SLCO3A1: variants seen among roughly 807,000 people sequenced by gnomAD.
The protein encoded by SLCO3A1 is solute carrier organic anion transporter family member 3A1.
A neutral mutation model predicts 63.1 loss-of-function variants in SLCO3A1; 27 were observed. That is an observed-to-expected ratio of 0.43 (90% CI 0.32 to 0.59). SLCO3A1 has a LOEUF of 0.59. Among genes scored for constraint, SLCO3A1 ranks in the 20% least tolerant of loss-of-function variants. The probability of loss-of-function intolerance (pLI) is 0.09; values close to 1 mark genes in which losing one functional copy is unlikely to be tolerated. For missense variants in SLCO3A1, 773 were observed against 945.8 expected (o/e 0.82, Z 2.40); for synonymous variants, 473 against 409.9 (o/e 1.15, Z -1.86).
At chr15:91,928,465 C>G (rs996778665) in intron 2 of SLCO3A1, among the ~76,000 whole-genome samples, 2 of 152,120 alleles carry the variant, frequency 1.3e-5, no homozygotes, top group African/African-American at 2.4e-5. Context: ...CTCCGTTATC[C>G]CAAGGGCCTT....
intron 4 of SLCO3A1, among the ~76,000 whole-genome samples, chr15:92,114,345 T>C (rs555691888): frequency 2.6e-5 from 4 of 152,338 alleles, no homozygotes; most frequent in African/African-American, 9.6e-5. Context: ...TATTAGATTC[T>C]TTAATACCCC....
At chr15:91,933,579 C>CAGT (rs1291693242) in intron 2 of SLCO3A1, among the ~76,000 whole-genome samples, 1 of 152,240 alleles carries the variant, frequency 6.6e-6, no homozygotes, top group African/African-American at 2.4e-5. Flanking sequence ...GGATAACAAG[C>CAGT]AGTACATAGA....
At chr15:91,947,933 A>C (rs1220617688) in intron 2 of SLCO3A1, among the ~76,000 whole-genome samples, 3 of 152,198 alleles carry the variant, frequency 2.0e-5, no homozygotes, top group Non-Finnish European at 4.4e-5. Context: ...GCCCCCGTGC[A>C]GGTGACCGAA....
intron 3 of SLCO3A1, among the ~76,000 whole-genome samples, chr15:92,099,564 G>T (rs1253717205): frequency 6.6e-6 from 1 of 152,128 alleles, no homozygotes; most frequent in African/African-American, 2.4e-5. Context: ...GGGTTGGTTG[G>T]TTAGTTTTAA....
In SLCO3A1 at chr15:91,880,397, C is replaced by CTGTGTGTGTG. The variant is rs747889224; in HGVS notation, c.180+26310_180+26311insGTGTGTGTGT. ...CACTCGTGCTTCTCTCTCTCTCTCT[C>CTGTGTGTGTG]TCTCTCTCTCTCTGTGTGTGTGTGT... On this transcript the variant is annotated intron_variant, in intron 1 of 9. Transcript: ENST00000318445. Among the ~76,000 whole-genome samples, 223 of 94,192 alleles carry CTGTGTGTGTG rather than the reference C, an allele frequency of 2.4e-3. 1 individual carries two copies. The highest frequency in any genetic ancestry group is 9.0e-3 in the South Asian group (17 of 1,890). The allele number at this position is 94,192 out of a possible 152,430, so 61.8% of individuals were successfully genotyped here. A position where few individuals can be genotyped will look rare whatever the true frequency, so the allele number is the denominator to read the frequency against.
intron 9 of SLCO3A1, 82 bp from the exon 10 acceptor site, chr15:92,162,674 A>G (rs2048454014): frequency 1.3e-6 from 2 of 1,521,568 alleles, no homozygotes; most frequent in Non-Finnish European, 8.8e-7. Flanking sequence ...TAGCAGTGCT[A>G]TAAGAAAAGC....
chr15:91,956,799 CT>C (rs1294059632), intron 2 of SLCO3A1, among the ~76,000 whole-genome samples: 2 of 92,714 alleles, frequency 2.2e-5, no homozygotes, highest in East Asian at 3.3e-4. Context: ...TTTTTTTTTT[CT>C]TTTTTTTGCG....
chr15:91,861,721 T>G (rs1354779660), intron 1 of SLCO3A1, among the ~76,000 whole-genome samples: 1 of 152,066 alleles, frequency 6.6e-6, no homozygotes, highest in Non-Finnish European at 1.5e-5. Context: ...CGTCCCAGGC[T>G]GAAATGATCC....
downstream of SLCO3A1, among the ~76,000 whole-genome samples, chr15:92,167,667 A>G (rs2151608448): frequency 1.3e-5 from 2 of 152,364 alleles, no homozygotes; most frequent in South Asian, 4.1e-4. Flanking sequence ...GATGCAAGGC[A>G]GATTTTTGTT....
At chr15:92,122,986 G>A (rs1280998167) in intron 5 of SLCO3A1, among the ~76,000 whole-genome samples, 1 of 152,224 alleles carries the variant, frequency 6.6e-6, no homozygotes, top group Non-Finnish European at 1.5e-5. Context: ...TAACTGGGAG[G>A]CACACCAGGG....
Position 92,164,955 on chromosome 15 carries a change from AAAAACTC to A in SLCO3A1, c.*1824_*1830del. ...CATGTCACATTCCTGGCGCTGGAAA[AAAAACTC>A]AAAGGTTGATTGGTTTGCTTTTTCA... On this transcript the variant is annotated 3_prime_UTR_variant, in exon 10 of 10. Coordinates refer to ENST00000318445, the MANE Select transcript of SLCO3A1 (RefSeq NM_013272.4). 1.0e-6 allele frequency: 1 copy of A among 972,776 alleles called. No homozygotes were observed. Among genetic ancestry groups the A allele is most frequent in the Non-Finnish European group, 1.2e-6 (1 of 825,598 alleles). 60.3% of individuals were successfully genotyped at this position (972,776 alleles called of 1,614,324 possible). A position where few individuals can be genotyped will look rare whatever the true frequency, so the allele number is the denominator to read the frequency against.
chr15:91,899,270 G>T (rs886521847), intron 1 of SLCO3A1, among the ~76,000 whole-genome samples: 47 of 152,214 alleles, frequency 3.1e-4, no homozygotes, highest in East Asian at 1.3e-3. Context: ...AGTTCAGTGT[G>T]GGGGGGATGG....
rs182021615 is a variant in SLCO3A1 at position 92,171,988 on chromosome 15, G to A, written c.*126G>A. 405 of 720,400 alleles carry A rather than the reference G, an allele frequency of 5.6e-4. 1 individual carries two copies. In the African/African-American group the frequency reaches 6.4e-3, roughly 11 times the overall value. The allele number at this position is 720,400 out of a possible 1,614,324, so 44.6% of individuals were successfully genotyped here. A position where few individuals can be genotyped will look rare whatever the true frequency, so the allele number is the denominator to read the frequency against. ...GGTCCCCATGTGGATTATCCAGCCA[G>A]TGTGTGGTCCTTTGAGGCCCCAAGC... is the stretch of plus-strand genomic sequence containing the variant. On this transcript the variant is annotated 3_prime_UTR_variant, in exon 11 of 11. Coordinates refer to the SLCO3A1 transcript ENST00000424469.
chr15:91,940,991 G>A (rs977824230), intron 2 of SLCO3A1, among the ~76,000 whole-genome samples: 4 of 152,240 alleles, frequency 2.6e-5, no homozygotes, highest in African/African-American at 4.8e-5. Flanking sequence ...CCACCCTGCC[G>A]TTTTAGGAGG....
chr15:92,147,168 T>G lies in SLCO3A1; in HGVS notation c.1688+9T>G. 1 of 1,605,154 alleles carries G rather than the reference T, an allele frequency of 6.2e-7. No individual in the cohort carries two copies. ...GTCATCATCCTCATCAGGTAAGCCCTCGGCACAGCCCCGCCTCTCCTCCTT... is the reference window on the plus strand; with the variant it reads ...GTCATCATCCTCATCAGGTAAGCCCGCGGCACAGCCCCGCCTCTCCTCCTT... On this transcript the variant is annotated intron_variant, in intron 8 of 9. Transcript: ENST00000318445.
chr15:92,141,012 G>A (rs545650477), intron 7 of SLCO3A1, among the ~76,000 whole-genome samples: 4 of 152,250 alleles, frequency 2.6e-5, no homozygotes, highest in African/African-American at 2.4e-5. Flanking sequence ...ATATGTTCTC[G>A]TAGAACGGAC....
At chr15:92,017,613 A>G (rs886399495) in intron 2 of SLCO3A1, among the ~76,000 whole-genome samples, 1 of 152,018 alleles carries the variant, frequency 6.6e-6, no homozygotes, top group Non-Finnish European at 1.5e-5. Context: ...GGGATGTTCA[A>G]TGAGAGGGTG....
intron 2 of SLCO3A1, among the ~76,000 whole-genome samples, chr15:91,931,183 C>A (rs1017216965): frequency 2.0e-5 from 3 of 152,220 alleles, no homozygotes; most frequent in African/African-American, 7.2e-5. Flanking sequence ...TGCATGTCCT[C>A]AAAGCAAGAG....
chr15:92,165,953 A>C, downstream of SLCO3A1: 2 of 947,336 alleles, frequency 2.1e-6, no homozygotes, highest in Non-Finnish European at 2.5e-6. Context: ...ATCTCAGCTG[A>C]ACATGCCCAG....
Sources: gnomAD v4.1 joint callset for allele counts (sites outside exome capture counted in the v4.1 genomes callset) on GRCh38, gnomAD v4.1.1 for gene constraint, MANE v1.5 for transcripts, NCBI Gene and HGNC (gene_info 2026-07-23, HGNC 2026-07-21) for gene names.